Variants in CACNA2D3 observed in about 807,000 individuals in gnomAD.
CACNA2D3 encodes calcium voltage-gated channel auxiliary subunit alpha2delta 3, also known as voltage-dependent calcium channel subunit alpha-2/delta-3.
CACNA2D3 carries 60 observed loss-of-function variants against 160.6 expected under a neutral mutation model. The ratio of observed to expected loss-of-function variants is 0.37; its 90% CI spans 0.30 to 0.46. CACNA2D3 has a LOEUF of 0.46. CACNA2D3 is among the 20% of genes least tolerant of loss of function. The pLI, the probability that CACNA2D3 is intolerant of heterozygous loss-of-function variation, is 1.00. For synonymous variants in CACNA2D3, 558 were observed against 492.9 expected (o/e 1.13, Z -1.75); for missense variants, 1,205 against 1,365.0 (o/e 0.88, Z 1.85).
intron 2 of CACNA2D3, among the ~76,000 whole-genome samples, chr3:54,215,974 C>G: frequency 6.6e-6 from 1 of 151,454 alleles, no homozygotes; most frequent in African/African-American, 2.4e-5. Context: ...ACATGTGTGT[C>G]CTCTTTAATG....
intron 11 of CACNA2D3, among the ~76,000 whole-genome samples, chr3:54,647,606 T>C (rs1014192876): frequency 6.6e-6 from 1 of 152,086 alleles, no homozygotes; most frequent in African/African-American, 2.4e-5. Context: ...AGCAGCTGGG[T>C]TCCAAGAAAG....
chr3:54,891,330 C>T (rs753986874), intron 24 of CACNA2D3, 25 bp from the exon 25 acceptor site: 2 of 1,571,018 alleles, frequency 1.3e-6, no homozygotes, highest in Non-Finnish European at 1.8e-6. Context: ...GAGGCCTCCC[C>T]CTGACGTCTG....
chr3:54,302,382 C>G (rs1057435388), intron 2 of CACNA2D3, among the ~76,000 whole-genome samples: 3 of 152,140 alleles, frequency 2.0e-5, no homozygotes, highest in African/African-American at 7.2e-5. Flanking sequence ...GTGGAGGGGA[C>G]TTACCATCTT....
At chr3:54,465,621 A>G (rs990535290) in intron 4 of CACNA2D3, among the ~76,000 whole-genome samples, 2 of 152,150 alleles carry the variant, frequency 1.3e-5, no homozygotes, top group African/African-American at 2.4e-5. Context: ...ATCCAAGTGC[A>G]TACACTCCAT....
At chr3:55,012,962 A>G (rs184463493) in intron 34 of CACNA2D3, among the ~76,000 whole-genome samples, 2 of 152,278 alleles carry the variant, frequency 1.3e-5, no homozygotes, top group East Asian at 3.9e-4. Flanking sequence ...GCTGAAAGGA[A>G]TAATATGGTG....
intron 2 of CACNA2D3, among the ~76,000 whole-genome samples, chr3:54,157,851 A>C (rs1166968046): frequency 1.7e-4 from 26 of 152,210 alleles, no homozygotes; most frequent in South Asian, 6.2e-4. Context: ...AAAAAAAAAA[A>C]AAAAGAAATG....
At position 55,066,476 on chromosome 3, in the gene CACNA2D3, G is replaced by A. The variant is rs554801139; in HGVS notation, c.2988-6969G>A. 4.6e-5 allele frequency among the ~76,000 whole-genome samples: 7 copies of A among 152,240 alleles called. No homozygotes were observed. In the South Asian group the frequency reaches 1.2e-3, roughly 27 times the overall value. On this transcript the variant is annotated intron_variant, in intron 35 of 37. Transcript: ENST00000474759. ...ACATGTGCAATCCTGTGGTCCTCGG[G>A]GGATCTTATCCCTGCGTTCCTCCCC...
chr3:54,634,341 G>A (rs1000438377), intron 10 of CACNA2D3: 2 of 152,114 alleles, frequency 1.3e-5, no homozygotes, highest in Non-Finnish European at 2.9e-5. Flanking sequence ...TCTCAGTGAG[G>A]TCTTCCCTGA....
chr3:55,009,675 T>G (rs1423798214), intron 34 of CACNA2D3, among the ~76,000 whole-genome samples: 1 of 152,222 alleles, frequency 6.6e-6, no homozygotes, highest in Non-Finnish European at 1.5e-5. Flanking sequence ...TTGACCTGTT[T>G]CCTTAACTAA....
At chr3:54,804,644 A>C (rs1424190390) in intron 13 of CACNA2D3, among the ~76,000 whole-genome samples, 1 of 152,198 alleles carries the variant, frequency 6.6e-6, no homozygotes, top group African/African-American at 2.4e-5. Flanking sequence ...CAGATCAACG[A>C]GACAGAAAGT....
chr3:54,930,960 A>G lies in CACNA2D3; in HGVS notation c.2449+31092A>G, dbSNP rs572469735. On this transcript the variant is annotated intron_variant, in intron 27 of 37. Coordinates refer to ENST00000474759, the MANE Select transcript of CACNA2D3 (RefSeq NM_018398.3). ...AAAATACAAAAATTAGCTGGGCGTG[A>G]TGGTGGCCTTCTGTAATCTCAGCTA... Among the ~76,000 whole-genome samples the G allele has an allele frequency of 5.9e-5, 9 of 152,204 alleles. 1 individual carries two copies. Among genetic ancestry groups the G allele is most frequent in the African/African-American group, 2.2e-4 (9 of 41,514 alleles).
At chr3:54,717,241 A>C (rs1701067269) in intron 11 of CACNA2D3, among the ~76,000 whole-genome samples, 1 of 152,196 alleles carries the variant, frequency 6.6e-6, no homozygotes, top group South Asian at 2.1e-4. Flanking sequence ...ATGGATATGT[A>C]GACTCTTTCC....
At chr3:55,046,114 ATTATAC>A (rs1006891604) in intron 35 of CACNA2D3, among the ~76,000 whole-genome samples, 2 of 143,598 alleles carry the variant, frequency 1.4e-5, no homozygotes, top group Admixed American at 1.4e-4. Context: ...CTTTTTTTTT[ATTATAC>A]TTTAAGTTTT....
intron 13 of CACNA2D3, among the ~76,000 whole-genome samples, chr3:54,815,588 A>G (rs1202298246): frequency 1.3e-5 from 2 of 152,234 alleles, no homozygotes; most frequent in African/African-American, 4.8e-5. Flanking sequence ...GAGAAAGTCT[A>G]CTGTCACAAT....
intron 5 of CACNA2D3, among the ~76,000 whole-genome samples, chr3:54,559,050 A>T (rs1415034428): frequency 1.3e-5 from 2 of 152,084 alleles, no homozygotes; most frequent in Non-Finnish European, 2.9e-5. Flanking sequence ...CCTCTTCCTC[A>T]TCATTAATAA....
At chr3:54,569,168 TG>T (rs1455247019) in intron 6 of CACNA2D3, among the ~76,000 whole-genome samples, 1 of 152,228 alleles carries the variant, frequency 6.6e-6, no homozygotes, top group Non-Finnish European at 1.5e-5. Flanking sequence ...CTAAGGATGT[TG>T]GATCTGATTT....
intron 4 of CACNA2D3, among the ~76,000 whole-genome samples, chr3:54,390,013 G>T (rs942499751): frequency 2.0e-5 from 3 of 152,194 alleles, no homozygotes; most frequent in Non-Finnish European, 4.4e-5. Flanking sequence ...AGGAAGGAGT[G>T]ATTGTGCGGG....
chr3:54,753,511 G>A lies in CACNA2D3; in HGVS notation c.1246+834G>A, dbSNP rs543669535. On this transcript the variant is annotated intron_variant, in intron 12 of 37. Transcript: ENST00000474759. ...TTCATCAGCCTGGGTCCCTGAGTGA[G>A]CACATGGAGCAGATGACTTTCACTG... Among the ~76,000 whole-genome samples the A allele has an allele frequency of 8.5e-5, 13 of 152,302 alleles. No individual in the cohort carries two copies. In the South Asian group the frequency reaches 1.5e-3, roughly 17 times the overall value.
chr3:54,317,821 G>C (rs1157818460), intron 2 of CACNA2D3, among the ~76,000 whole-genome samples: 1 of 152,184 alleles, frequency 6.6e-6, no homozygotes, highest in African/African-American at 2.4e-5. Context: ...TTACAGGTGT[G>C]AACCACCGCA....
Sources: allele counts gnomAD v4.1 joint callset (sites outside exome capture counted in the v4.1 genomes callset), GRCh38; gene constraint gnomAD v4.1.1; transcripts MANE v1.5; gene names NCBI Gene and HGNC (gene_info 2026-07-23, HGNC 2026-07-21).